The following JPH2 variants were observed in gnomAD, a reference collection of about 807,000 sequenced individuals.
The protein encoded by JPH2 is junctophilin 2, also known as junctophilin-2.
A neutral mutation model predicts 55.9 loss-of-function variants in JPH2; 38 were observed. The observed-to-expected ratio is 0.68, with a 90% CI of 0.52 to 0.89. The LOEUF (loss-of-function observed/expected upper bound fraction) is 0.89. Among genes scored for constraint, JPH2 ranks in the 40% least tolerant of loss-of-function variants. JPH2 has a pLI of 0.00. For synonymous variants in JPH2, 480 were observed against 472.4 expected (o/e 1.02, Z -0.21); for missense variants, 964 against 1,037.6 (o/e 0.93, Z 0.97).
chr20:44,159,593 C>A lies in JPH2; in HGVS notation c.1169+25G>T. The stretch of plus-strand genomic sequence containing the variant: ...CCCCTTCTCCGAGGGGAGGCGACCC[C>A]TTCCCACCCCCACCGCTGTCCTACC... On this transcript the variant is annotated intron_variant, in intron 2 of 5. Coordinates refer to ENST00000372980, the MANE Select transcript of JPH2 (RefSeq NM_020433.5). The surrounding 1 kb of genome is among the most constrained non-coding windows in gnomAD (Gnocchi z 5.7). The A allele has an allele frequency of 6.3e-7, 1 of 1,590,858 alleles. No homozygotes were observed. Among genetic ancestry groups the A allele is most frequent in the South Asian group, 1.1e-5 (1 of 89,402 alleles).
chr20:44,134,864 A>T (rs188445909), intron 2 of JPH2, among the ~76,000 whole-genome samples: 78,268 of 110,260 alleles, frequency 0.71, 27,670 homozygotes, highest in Admixed American at 0.78. Context: ...ATATATATAT[A>T]AATATATATA....
rs1010872762 is a variant in JPH2, at chr20:44,142,006, C to T, written c.1169+17612G>A. Among the ~76,000 whole-genome samples the T allele has an allele frequency of 6.6e-5, 10 of 152,180 alleles. No individual in the cohort carries two copies. In the South Asian group the frequency reaches 1.2e-3, roughly 19 times the overall value. Reference sequence around the variant, plus strand: ...AGCTCCCCATGCCTGGAGAGACAGACGCAGTGACTGAATGACCACTTGGCA... The same window carrying T: ...AGCTCCCCATGCCTGGAGAGACAGATGCAGTGACTGAATGACCACTTGGCA... On this transcript the variant is annotated intron_variant, in intron 2 of 5. Transcript: ENST00000372980.
At chr20:44,162,763 TATATATATATATATATATATATATAC>T (rs1238715606) in intron 1 of JPH2, among the ~76,000 whole-genome samples, 5 of 71,296 alleles carry the variant, frequency 7.0e-5, no homozygotes, top group East Asian at 3.3e-4. Context: ...TATATATATA[TATATATATATATATATATATATATAC>T]ACACACACAC....
rs759057598 is a variant in JPH2, at chr20:44,124,443, C to G, written c.1170-5820G>C. ...TATGTATTGGTTCATTCATTTAATA[C>G]AACTTTATGGAGTGCCTACTATGTG... On this transcript the variant is annotated intron_variant, in intron 2 of 5. Coordinates refer to ENST00000372980, the MANE Select transcript of JPH2 (RefSeq NM_020433.5). 5.9e-5 allele frequency among the ~76,000 whole-genome samples: 9 copies of G among 152,102 alleles called. No individual in the cohort carries two copies. In the South Asian group the frequency reaches 6.2e-4, roughly 11 times the overall value.
intron 1 of JPH2, among the ~76,000 whole-genome samples, chr20:44,179,823 G>A (rs1289492646): frequency 6.6e-6 from 1 of 152,090 alleles, no homozygotes; most frequent in African/African-American, 2.4e-5. Context: ...TTATTAGCTG[G>A]ACGACCTTGA....
chr20:44,116,996 C>T (rs1307616316), intron 3 of JPH2, among the ~76,000 whole-genome samples: 1 of 152,198 alleles, frequency 6.6e-6, no homozygotes, highest in Non-Finnish European at 1.5e-5. Flanking sequence ...AAAAACCCTT[C>T]ATGGCTGGGC....
Position 44,146,035 on chromosome 20 carries a change from CTT to C in JPH2, c.1169+13581_1169+13582del, listed in dbSNP as rs769018756. On this transcript the variant is annotated intron_variant, in intron 2 of 5. Transcript: ENST00000372980. The stretch of plus-strand genomic sequence containing the variant: ...CCCAAAATGCATGGTCACCATTGTT[CTT>C]TTTTTTTTTTTTTTGAGATGGAGTC... Among the ~76,000 whole-genome samples, 637 of 138,708 alleles carry C rather than the reference CTT, an allele frequency of 4.6e-3. 14 individuals carry two copies. Among genetic ancestry groups the C allele is most frequent in the East Asian group, 0.03 (143 of 4,824 alleles). 91.0% of individuals were successfully genotyped at this position (138,708 alleles called of 152,430 possible). A position where few individuals can be genotyped will look rare whatever the true frequency, so the allele number is the denominator to read the frequency against.
intron 1 of JPH2, among the ~76,000 whole-genome samples, chr20:44,179,780 T>A (rs530131823): frequency 6.6e-6 from 1 of 152,332 alleles, no homozygotes; most frequent in African/African-American, 2.4e-5. Context: ...TGTTTAATGA[T>A]CACTTATTAT....
rs2072387860 is a variant in JPH2 at position 44,134,685 on chromosome 20, T to TA, written c.1170-16063_1170-16062insT. Among the ~76,000 whole-genome samples the TA allele has an allele frequency of 1.1e-4, 4 of 36,916 alleles. 2 individuals carry two copies. The highest frequency in any genetic ancestry group is 2.5e-4 in the African/African-American group (2 of 8,030). 24.2% of individuals were successfully genotyped at this position (36,916 alleles called of 152,430 possible). On this transcript the variant is annotated intron_variant, in intron 2 of 5. Transcript: ENST00000372980. The stretch of plus-strand genomic sequence containing the variant: ...ATATATAAATATATATTTATAAATA[T>TA]TATAAATATATATACATTAATATAT...
Position 44,134,279 on chromosome 20 carries a change from T to TATA in JPH2, c.1170-15659_1170-15657dup, listed in dbSNP as rs796736277. Among the ~76,000 whole-genome samples the TATA allele has an allele frequency of 4.8e-3, 9 of 1,882 alleles. 4 individuals carry two copies. The highest frequency in any genetic ancestry group is 6.3e-3 in the African/African-American group (3 of 480). 1.2% of individuals were successfully genotyped at this position (1,882 alleles called of 152,430 possible). On this transcript the variant is annotated intron_variant, in intron 2 of 5. Transcript: ENST00000372980. ...TAAATAAATATTTATTATATATACA[T>TATA]ATAAATATTTATTATAAATATAATA... is the stretch of plus-strand genomic sequence containing the variant.
At chr20:44,171,907 T>A (rs1379769397) in intron 1 of JPH2, among the ~76,000 whole-genome samples, 1 of 152,212 alleles carries the variant, frequency 6.6e-6, no homozygotes, top group Non-Finnish European at 1.5e-5. Context: ...CAGGTCTGAC[T>A]CGCCCACCAC....
chr20:44,134,640 T>TATATAA (rs1569194965), intron 2 of JPH2, among the ~76,000 whole-genome samples: 4 of 23,046 alleles, frequency 1.7e-4, no homozygotes, highest in Non-Finnish European at 2.1e-4. Flanking sequence ...ATTATAAATA[T>TATATAA]ATAAATATTT....
intron 2 of JPH2, among the ~76,000 whole-genome samples, chr20:44,123,694 C>A (rs1334396150): frequency 2.0e-5 from 3 of 152,202 alleles, no homozygotes; most frequent in Non-Finnish European, 4.4e-5. Context: ...GTATCTTCAT[C>A]ACCCGGAAGC....
intron 2 of JPH2, among the ~76,000 whole-genome samples, chr20:44,138,794 G>A (rs2072435705): frequency 6.6e-6 from 1 of 151,804 alleles, no homozygotes; most frequent in African/African-American, 2.4e-5. Context: ...TCTAATACTA[G>A]ATTTGTATTT....
intron 1 of JPH2, among the ~76,000 whole-genome samples, chr20:44,166,393 G>C (rs921706278): frequency 6.6e-6 from 1 of 152,242 alleles, no homozygotes; most frequent in Admixed American, 6.5e-5. Context: ...GCAGAGAGCA[G>C]AGAAGATGGT....
rs565091288 is a variant in JPH2, at chr20:44,108,309, G to A, written c.*5209C>T. Among the ~76,000 whole-genome samples the A allele has an allele frequency of 5.9e-5, 9 of 152,166 alleles. No homozygotes were observed. Among genetic ancestry groups the A allele is most frequent in the African/African-American group, 1.2e-4 (5 of 41,494 alleles). The stretch of plus-strand genomic sequence containing the variant: ...TGGCTGGTTCTGATTCGCATTCTTT[G>A]CTTGTAATCAATGTGACTTGAGTAG... On this transcript the variant is annotated 3_prime_UTR_variant, in exon 6 of 6. Coordinates refer to ENST00000372980, the MANE Select transcript of JPH2 (RefSeq NM_020433.5).
intron 2 of JPH2, among the ~76,000 whole-genome samples, chr20:44,122,550 T>C (rs2072244681): frequency 6.6e-6 from 1 of 152,206 alleles, no homozygotes; most frequent in African/African-American, 2.4e-5. Context: ...ATCCCTCACT[T>C]ACTCACTCAC....
chr20:44,168,163 T>C (rs947488144), intron 1 of JPH2, among the ~76,000 whole-genome samples: 1 of 152,082 alleles, frequency 6.6e-6, no homozygotes, highest in African/African-American at 2.4e-5. Flanking sequence ...ACTGGAAAGA[T>C]GAAAAGGAGC....
intron 2 of JPH2, among the ~76,000 whole-genome samples, chr20:44,135,454 C>T (rs891838391): frequency 3.3e-5 from 5 of 152,080 alleles, no homozygotes; most frequent in African/African-American, 7.2e-5. Context: ...CCCCATCTTT[C>T]GGTTCTTTAT....
Sources: allele counts gnomAD v4.1 joint callset (sites outside exome capture counted in the v4.1 genomes callset), GRCh38; gene constraint gnomAD v4.1.1; non-coding constraint Gnocchi (gnomAD v3.1); transcripts MANE v1.5; gene names NCBI Gene and HGNC (gene_info 2026-07-23, HGNC 2026-07-21).